The following KIF25 variants were observed in gnomAD, a reference collection of about 807,000 sequenced individuals.
KIF25 encodes the protein kinesin family member 25.
A neutral mutation model predicts 32.9 loss-of-function variants in KIF25; 19 were observed. The ratio of observed to expected loss-of-function variants is 0.58; its 90% CI spans 0.40 to 0.85. KIF25 has a LOEUF of 0.85. KIF25 is among the 40% of genes least tolerant of loss of function. The pLI, the probability that KIF25 is intolerant of heterozygous loss-of-function variation, is 0.00. For synonymous variants in KIF25, 225 were observed against 213.7 expected (o/e 1.05, Z -0.46); for missense variants, 485 against 507.0 (o/e 0.96, Z 0.42).
At chr6:168,024,387 A>G (rs1210401941) in intron 5 of KIF25, among the ~76,000 whole-genome samples, 2 of 138,980 alleles carry the variant, frequency 1.4e-5, no homozygotes, top group African/African-American at 2.7e-5. Flanking sequence ...TGATGACTCA[A>G]TTATGCAGGG....
intron 4 of KIF25, among the ~76,000 whole-genome samples, chr6:168,012,600 C>T (rs879701252): frequency 8.5e-5 from 13 of 152,188 alleles, no homozygotes; most frequent in Non-Finnish European, 1.3e-4. Context: ...GCTGTTCCTC[C>T]GGCCAGAAGC....
Position 168,031,681 on chromosome 6 carries a change from T to C in KIF25, c.167+834T>C, listed in dbSNP as rs191877071. On this transcript the variant is annotated intron_variant, in intron 7 of 12. Transcript: ENST00000643607. ...TGGTTTTGAAAATGATAGGGGAGTC[T>C]CTTTTTAAGTAGGCATCTTTTAAGT... 3.3e-5 allele frequency among the ~76,000 whole-genome samples: 5 copies of C among 152,354 alleles called. 1 individual carries two copies. Among genetic ancestry groups the C allele is most frequent in the Admixed American group, 2.0e-4 (3 of 15,306 alleles).
chr6:168,007,968 C>T (rs758685377), intron 4 of KIF25, among the ~76,000 whole-genome samples: 33 of 152,336 alleles, frequency 2.2e-4, no homozygotes, highest in Non-Finnish European at 3.7e-4. Flanking sequence ...ACAGGCCCTA[C>T]TGCATCACTC....
Position 167,998,164 on chromosome 6 carries a change from T to G in KIF25, c.-1305T>G, listed in dbSNP as rs1798447529. On this transcript the variant is annotated 5_prime_UTR_variant, in exon 1 of 13. Transcript: ENST00000643607. ...AGAAAGTCTCACTACGCTGCAGCTT[T>G]TTTTTTTTTTAATCTGGAGCATGAA... The G allele has an allele frequency of 6.6e-6, 1 of 151,664 alleles. No individual in the cohort carries two copies. Among genetic ancestry groups the G allele is most frequent in the Non-Finnish European group, 1.5e-5 (1 of 67,830 alleles). The allele number at this position is 151,664 out of a possible 1,614,324, so 9.4% of individuals were successfully genotyped here.
intron 8 of KIF25, among the ~76,000 whole-genome samples, chr6:168,037,979 G>T (rs1799049593): frequency 6.6e-6 from 1 of 152,126 alleles, no homozygotes; most frequent in Non-Finnish European, 1.5e-5. Flanking sequence ...CTCCTGAAGT[G>T]CTGGAATTAC....
intron 5 of KIF25, among the ~76,000 whole-genome samples, chr6:168,019,630 T>C (rs1312678720): frequency 6.6e-6 from 1 of 152,036 alleles, no homozygotes; most frequent in Non-Finnish European, 1.5e-5. Context: ...AGCCCCACAG[T>C]GCGAATGAGC....
At chr6:168,015,928 G>A (rs557127224) in intron 4 of KIF25, among the ~76,000 whole-genome samples, 2 of 152,116 alleles carry the variant, frequency 1.3e-5, no homozygotes, top group Admixed American at 1.3e-4. Flanking sequence ...AGACCTTTGT[G>A]GTTTTCGTTT....
At chr6:168,015,533 C>T (rs1428604071) in intron 4 of KIF25, among the ~76,000 whole-genome samples, 1 of 152,210 alleles carries the variant, frequency 6.6e-6, no homozygotes, top group East Asian at 1.9e-4. Flanking sequence ...AGGGGCCATG[C>T]GTCCCCCATG....
At chr6:168,009,268 T>A (rs1249659889) in intron 4 of KIF25, among the ~76,000 whole-genome samples, 1 of 152,098 alleles carries the variant, frequency 6.6e-6, no homozygotes, top group Non-Finnish European at 1.5e-5. Context: ...AGAGTTGTTT[T>A]TTTTTATCAT....
chr6:168,001,378 G>C (rs73788669), intron 2 of KIF25, among the ~76,000 whole-genome samples: 23 of 152,228 alleles, frequency 1.5e-4, no homozygotes, highest in African/African-American at 5.5e-4. Flanking sequence ...GGCCCCCAGC[G>C]GTGATCAGCT....
intron 2 of KIF25, among the ~76,000 whole-genome samples, chr6:168,000,907 T>C (rs934103666): frequency 2.0e-5 from 3 of 152,264 alleles, no homozygotes; most frequent in African/African-American, 7.2e-5. Context: ...TCACAGTGTT[T>C]GCATCCTGCA....
At chr6:168,040,476 G>A (rs1799102804) in intron 10 of KIF25, among the ~76,000 whole-genome samples, 1 of 152,068 alleles carries the variant, frequency 6.6e-6, no homozygotes, top group Non-Finnish European at 1.5e-5. Flanking sequence ...TGAGGCAGGA[G>A]AATTGCTTGA....
chr6:168,040,515 G>A (rs1276009918), intron 10 of KIF25, among the ~76,000 whole-genome samples: 1 of 151,984 alleles, frequency 6.6e-6, no homozygotes, highest in Non-Finnish European at 1.5e-5. Flanking sequence ...GCGATGAGCC[G>A]AGATTGTGCC....
At chr6:168,004,969 A>G (rs1237947418) in intron 4 of KIF25, among the ~76,000 whole-genome samples, 1 of 152,218 alleles carries the variant, frequency 6.6e-6, no homozygotes, top group African/African-American at 2.4e-5. Context: ...GAATGCGGAC[A>G]TTTCACAGAA....
chr6:168,036,544 G>T (rs925952583), intron 8 of KIF25, among the ~76,000 whole-genome samples: 3 of 152,190 alleles, frequency 2.0e-5, no homozygotes, highest in Non-Finnish European at 4.4e-5. Flanking sequence ...GCAGCCTGTG[G>T]TTTTCACCAT....
chr6:168,022,322 C>T (rs1032120218), intron 5 of KIF25, among the ~76,000 whole-genome samples: 2 of 152,176 alleles, frequency 1.3e-5, no homozygotes, highest in African/African-American at 4.8e-5. Context: ...ATCTGTTTTT[C>T]GTGCTTGTAA....
In KIF25 at chr6:168,002,544, T is replaced by C. The variant is rs147530841; in HGVS notation, c.-368T>C. On this transcript the variant is annotated splice_region_variant and 5_prime_UTR_variant, in exon 3 of 13. Transcript: ENST00000643607. Reference sequence around the variant, plus strand: ...TTGAAACATGTTGCATTTTTTCAGATTCATGATGGCTTGCAGATGCTTGAT... The same window carrying C: ...TTGAAACATGTTGCATTTTTTCAGACTCATGATGGCTTGCAGATGCTTGAT... The C allele has an allele frequency of 1.3e-5, 2 of 152,382 alleles. No individual in the cohort carries two copies. The highest frequency in any genetic ancestry group is 4.8e-5 in the African/African-American group (2 of 41,574). 9.4% of individuals were successfully genotyped at this position (152,382 alleles called of 1,614,324 possible).
intron 12 of KIF25, among the ~76,000 whole-genome samples, chr6:168,044,330 A>ACCC (rs59647210): frequency 2.6e-5 from 3 of 114,900 alleles, no homozygotes; most frequent in African/African-American, 3.7e-5. Context: ...ACCCTCCCGG[A>ACCC]GGGTGAGGGG....
At chr6:168,020,638 G>A (rs1033089590) in intron 5 of KIF25, among the ~76,000 whole-genome samples, 18 of 152,098 alleles carry the variant, frequency 1.2e-4, no homozygotes, top group Admixed American at 9.2e-4. Flanking sequence ...TATGTTAGGC[G>A]ATAGAATCCG....
Sources: allele counts gnomAD v4.1 joint callset (sites outside exome capture counted in the v4.1 genomes callset), GRCh38; gene constraint gnomAD v4.1.1; transcripts MANE v1.5; gene names NCBI Gene and HGNC (gene_info 2026-07-23, HGNC 2026-07-21).